Variants in CCDC178 observed in about 807,000 individuals in gnomAD.
The protein encoded by CCDC178 is coiled-coil domain containing 178, also known as coiled-coil domain-containing protein 178.
In CCDC178, 126 loss-of-function variants were observed where a neutral mutation model predicts 117.4. The observed-to-expected ratio is 1.07, with a 90% CI of 0.93 to 1.24. The LOEUF (loss-of-function observed/expected upper bound fraction) is 1.24, where lower values mean the gene tolerates loss of function less well. Ranked by LOEUF, CCDC178 falls within the 50% of genes most tolerant of loss-of-function variation. The probability of loss-of-function intolerance (pLI) is 0.00; values close to 1 mark genes in which losing one functional copy is unlikely to be tolerated. For synonymous variants in CCDC178, 283 were observed against 313.4 expected (o/e 0.90, Z 1.02); for missense variants, 1,030 against 986.9 (o/e 1.04, Z -0.59).
intron 9 of CCDC178, among the ~76,000 whole-genome samples, chr18:33,334,927 T>C (rs947730676): frequency 1.3e-5 from 2 of 152,086 alleles, no homozygotes; most frequent in African/African-American, 4.8e-5. Context: ...GGTCAAAGTT[T>C]CAACAATATT....
chr18:33,295,519 T>C (rs781656841), intron 11 of CCDC178, among the ~76,000 whole-genome samples: 3 of 152,068 alleles, frequency 2.0e-5, no homozygotes, highest in African/African-American at 4.8e-5. Context: ...TACTAAAACA[T>C]AGAATATATT....
At chr18:33,264,137 A>G (rs552965517) in intron 14 of CCDC178, among the ~76,000 whole-genome samples, 1 of 152,244 alleles carries the variant, frequency 6.6e-6, no homozygotes, top group South Asian at 2.1e-4. Flanking sequence ...ATAAAACTTT[A>G]GGAAATGAAA....
At chr18:33,093,794 A>G (rs1385172990) in intron 20 of CCDC178, among the ~76,000 whole-genome samples, 1 of 152,000 alleles carries the variant, frequency 6.6e-6, no homozygotes, top group African/African-American at 2.4e-5. Context: ...TCTTTTGGGA[A>G]TCTATCCTAA....
At chr18:33,272,171 C>T (rs552647014) in intron 12 of CCDC178, among the ~76,000 whole-genome samples, 1 of 151,348 alleles carries the variant, frequency 6.6e-6, no homozygotes, top group South Asian at 2.1e-4. Context: ...ACTGTATACA[C>T]TAACCAAGAA....
At chr18:33,187,784 T>C (rs1201141900) in intron 20 of CCDC178, among the ~76,000 whole-genome samples, 1 of 152,126 alleles carries the variant, frequency 6.6e-6, no homozygotes, top group Non-Finnish European at 1.5e-5. Context: ...TGGTGAGTTA[T>C]CTAAACCCAA....
At chr18:33,419,281 C>A (rs2063990731) in intron 2 of CCDC178, among the ~76,000 whole-genome samples, 1 of 152,072 alleles carries the variant, frequency 6.6e-6, no homozygotes, top group Non-Finnish European at 1.5e-5. Context: ...CCACTATATT[C>A]AAAAATCAAC....
At chr18:33,117,558 C>T (rs372859770) in intron 20 of CCDC178, among the ~76,000 whole-genome samples, 13 of 151,726 alleles carry the variant, frequency 8.6e-5, no homozygotes, top group African/African-American at 2.7e-4. Flanking sequence ...CATCACACAC[C>T]GGGGCCTGTC....
At chr18:33,298,528 T>G (rs1052358934) in intron 11 of CCDC178, among the ~76,000 whole-genome samples, 1 of 152,160 alleles carries the variant, frequency 6.6e-6, no homozygotes, top group Non-Finnish European at 1.5e-5. Context: ...AATATCATAC[T>G]GAAGAGGGAA....
chr18:33,324,548 G>A lies in CCDC178; in HGVS notation c.880-915C>T, dbSNP rs371152304. Among the ~76,000 whole-genome samples the A allele has an allele frequency of 3.1e-4, 47 of 151,998 alleles. No homozygotes were observed. In the East Asian group the frequency reaches 6.8e-3, roughly 22 times the overall value. On this transcript the variant is annotated intron_variant, in intron 10 of 22. Transcript: ENST00000383096. ...ACTTTGTATTCTCACCAGTGGAACA[G>A]AAGAAAGCCTATGTTCCAAAACTCT... is the stretch of plus-strand genomic sequence containing the variant.
chr18:33,270,084 A>G (rs2059868798), intron 12 of CCDC178, among the ~76,000 whole-genome samples: 1 of 151,746 alleles, frequency 6.6e-6, no homozygotes, highest in African/African-American at 2.4e-5. Context: ...AAGTACAATA[A>G]CTGAACTAAA....
chr18:33,005,840 A>T (rs114154049), intron 21 of CCDC178, among the ~76,000 whole-genome samples: 9 of 152,116 alleles, frequency 5.9e-5, no homozygotes, highest in Admixed American at 1.3e-4. Flanking sequence ...TTACGATACA[A>T]CTCCTACCAG....
In CCDC178 at chr18:33,267,198, T is replaced by C; in HGVS notation, c.1272+4A>G. ...AAGTGGGAAGTAGGAAAAAATCAAC[T>C]TACTGCAGCATAAAAATCATTAACT... On this transcript the variant is annotated splice_donor_region_variant and intron_variant, in intron 13 of 22. Transcript: ENST00000383096. 6.3e-7 allele frequency: 1 copy of C among 1,588,282 alleles called. No homozygotes were observed. Among genetic ancestry groups the C allele is most frequent in the Non-Finnish European group, 8.5e-7 (1 of 1,171,474 alleles).
At chr18:33,251,556 T>A (rs2059618618) in intron 14 of CCDC178, among the ~76,000 whole-genome samples, 2 of 151,726 alleles carry the variant, frequency 1.3e-5, no homozygotes, top group East Asian at 3.9e-4. Flanking sequence ...TTGGCCCCAG[T>A]CCCTTACAAA....
intron 21 of CCDC178, among the ~76,000 whole-genome samples, chr18:33,023,055 T>C (rs556881976): frequency 3.3e-5 from 5 of 152,182 alleles, no homozygotes; most frequent in African/African-American, 1.2e-4. Context: ...TAAATGTGTA[T>C]GAACCTAAAA....
chr18:33,328,336 C>T (rs1250120305), intron 10 of CCDC178, among the ~76,000 whole-genome samples: 5 of 151,906 alleles, frequency 3.3e-5, no homozygotes, highest in African/African-American at 9.7e-5. Flanking sequence ...CTCTTGACCT[C>T]GTGATCCGCC....
intron 16 of CCDC178, 80 bp downstream of exon 16, chr18:33,226,713 C>T (rs1174724537): frequency 4.1e-6 from 4 of 986,828 alleles, no homozygotes; most frequent in Non-Finnish European, 6.2e-6. Flanking sequence ...GACAAGATGC[C>T]TCATTACAGG....
chr18:33,325,604 G>C (rs965240546), intron 10 of CCDC178, among the ~76,000 whole-genome samples: 1 of 151,998 alleles, frequency 6.6e-6, no homozygotes, highest in Non-Finnish European at 1.5e-5. Context: ...TTACAGGTTA[G>C]ATCATACGCA....
At chr18:33,012,691 C>T (rs937009896) in intron 21 of CCDC178, among the ~76,000 whole-genome samples, 2 of 152,122 alleles carry the variant, frequency 1.3e-5, no homozygotes, top group Admixed American at 1.3e-4. Context: ...ATGGTTTCCA[C>T]TGTCTTCTTT....
At chr18:32,961,220 T>C (rs921927863) in intron 22 of CCDC178, among the ~76,000 whole-genome samples, 18 of 152,284 alleles carry the variant, frequency 1.2e-4, no homozygotes, top group African/African-American at 3.6e-4. Flanking sequence ...AATTATACAT[T>C]ATTTTATTTC....
Sources: gnomAD v4.1 joint callset for allele counts (sites outside exome capture counted in the v4.1 genomes callset) on GRCh38, gnomAD v4.1.1 for gene constraint, MANE v1.5 for transcripts, NCBI Gene and HGNC (gene_info 2026-07-23, HGNC 2026-07-21) for gene names.